Variants in FBXO4 observed in about 807,000 individuals in gnomAD.
FBXO4 encodes the protein F-box protein 4.
In FBXO4, 36 loss-of-function variants were observed where a neutral mutation model predicts 43.7. That is an observed-to-expected ratio of 0.82 (90% CI 0.63 to 1.09). The LOEUF (loss-of-function observed/expected upper bound fraction) is 1.09. Ranked by LOEUF, FBXO4 falls within the 50% of genes least tolerant of loss-of-function variation. FBXO4 has a pLI of 0.00. For synonymous variants in FBXO4, 180 were observed against 165.6 expected, an observed-to-expected ratio of 1.09 and a Z score of -0.67; for missense variants, 435 against 474.1, an observed-to-expected ratio of 0.92 and a Z score of 0.77.
At chr5:42,035,258 T>C in the FBXO4 span, among the ~76,000 whole-genome samples, 12 of 152,052 alleles carry the variant, frequency 7.9e-5, no homozygotes, top group Non-Finnish European at 1.3e-4. Context: ...GAAGGGGAAT[T>C]TGACTGCAAA....
At chr5:42,009,313 C>G in the FBXO4 span, among the ~76,000 whole-genome samples, 4 of 151,712 alleles carry the variant, frequency 2.6e-5, no homozygotes, top group Non-Finnish European at 4.4e-5. Context: ...CTTTGGCTTC[C>G]CTTCTCTTCA....
intron 6 of FBXO4, 43 bp downstream of exon 6, chr5:41,939,659 C>T (rs1435031256): frequency 7.6e-6 from 11 of 1,455,790 alleles, no homozygotes; most frequent in Non-Finnish European, 2.8e-6. Flanking sequence ...TTATTTTGCA[C>T]TCTATTTTCT....
the FBXO4 span, among the ~76,000 whole-genome samples, chr5:41,953,199 ATG>A: frequency 7.7e-6 from 1 of 130,624 alleles, no homozygotes; most frequent in African/African-American, 3.0e-5. Context: ...TCCTGTGTCC[ATG>A]TGTTCTCATT....
At chr5:41,941,065 T>A in intron 6 of FBXO4, 127 bp from the exon 7 acceptor site, 1 of 617,122 alleles carries the variant, frequency 1.6e-6, no homozygotes, top group South Asian at 2.6e-5. Flanking sequence ...TTGAGCAACT[T>A]ATCCAAAGTT....
chr5:42,022,824 G>T, the FBXO4 span, among the ~76,000 whole-genome samples: 1 of 152,050 alleles, frequency 6.6e-6, no homozygotes, highest in Non-Finnish European at 1.5e-5. Flanking sequence ...GGGTATGAGA[G>T]TGTGGAGATG....
chr5:41,951,812 C>CTG, the FBXO4 span: 1 of 215,052 alleles, frequency 4.7e-6, no homozygotes, highest in East Asian at 1.4e-4. Context: ...GTGGTCAGCC[C>CTG]TGGAATCAGT....
chr5:41,967,189 A>C, the FBXO4 span: 3 of 481,028 alleles, frequency 6.2e-6, no homozygotes, highest in Non-Finnish European at 1.2e-5. Flanking sequence ...CCGTTCTTCA[A>C]GCCTCAGCAC....
the FBXO4 span, among the ~76,000 whole-genome samples, chr5:41,991,181 C>A: frequency 6.6e-6 from 1 of 152,166 alleles, no homozygotes; most frequent in Non-Finnish European, 1.5e-5. Flanking sequence ...CATGATGATA[C>A]CCTGGGACTT....
the FBXO4 span, among the ~76,000 whole-genome samples, chr5:42,033,975 C>A: frequency 6.6e-6 from 1 of 152,196 alleles, no homozygotes; most frequent in Non-Finnish European, 1.5e-5. Flanking sequence ...ACATTCATTA[C>A]CACCAATAGT....
chr5:41,974,920 T>G, the FBXO4 span, among the ~76,000 whole-genome samples: 1 of 152,216 alleles, frequency 6.6e-6, no homozygotes, highest in East Asian at 1.9e-4. Context: ...TTTTTTTCTG[T>G]TAGGCCTTTA....
the FBXO4 span, chr5:41,951,965 G>A: frequency 3.0e-6 from 1 of 328,826 alleles, no homozygotes; most frequent in South Asian, 3.3e-5. Context: ...TGGAGGATAT[G>A]ACACTGACAT....
At chr5:42,002,465 T>C in the FBXO4 span, among the ~76,000 whole-genome samples, 1 of 152,198 alleles carries the variant, frequency 6.6e-6, no homozygotes, top group Non-Finnish European at 1.5e-5. Context: ...AAACCATCAA[T>C]AGGAACTTTG....
the FBXO4 span, among the ~76,000 whole-genome samples, chr5:41,963,656 A>G: frequency 0.079 from 12,105 of 152,270 alleles, 693 homozygotes; most frequent in African/African-American, 0.16. Flanking sequence ...AAATATATTT[A>G]CTATCCATTA....
the FBXO4 span, among the ~76,000 whole-genome samples, chr5:41,979,299 C>A: frequency 1.3e-5 from 2 of 152,184 alleles, no homozygotes; most frequent in South Asian, 4.1e-4. Context: ...TATTGCTTCT[C>A]ATTATTAAAA....
chr5:42,024,234 T>A, the FBXO4 span, among the ~76,000 whole-genome samples: 2 of 152,080 alleles, frequency 1.3e-5, no homozygotes, highest in Non-Finnish European at 2.9e-5. Flanking sequence ...TATATGTGTG[T>A]GTCACCAATT....
At chr5:41,961,378 C>A in the FBXO4 span, among the ~76,000 whole-genome samples, 1 of 152,126 alleles carries the variant, frequency 6.6e-6, no homozygotes, top group Non-Finnish European at 1.5e-5. Context: ...TTGGCAGTGG[C>A]ACTGGTGTCT....
the FBXO4 span, among the ~76,000 whole-genome samples, chr5:41,994,666 G>C: frequency 6.6e-6 from 1 of 152,118 alleles, no homozygotes; most frequent in African/African-American, 2.4e-5. Flanking sequence ...TGATAGTCCA[G>C]ATCAATCACC....
the FBXO4 span, among the ~76,000 whole-genome samples, chr5:41,956,852 A>G: frequency 6.6e-6 from 1 of 151,850 alleles, no homozygotes; most frequent in South Asian, 2.1e-4. Flanking sequence ...AGCTGGGATT[A>G]CAGGCACACA....
the FBXO4 span, among the ~76,000 whole-genome samples, chr5:41,962,365 G>A: frequency 2.0e-5 from 3 of 152,056 alleles, no homozygotes; most frequent in Non-Finnish European, 4.4e-5. Flanking sequence ...TCCTGCCTTA[G>A]CTTCCACCAA....
Sources: allele counts gnomAD v4.1 joint callset (sites outside exome capture counted in the v4.1 genomes callset), GRCh38; gene constraint gnomAD v4.1.1; transcripts MANE v1.5; gene names NCBI Gene and HGNC (gene_info 2026-07-23, HGNC 2026-07-21).